LRRC20: variants seen among roughly 807,000 people sequenced by gnomAD.
LRRC20 encodes the protein leucine-rich repeat-containing protein 20.
In LRRC20, 11 loss-of-function variants were observed where a neutral mutation model predicts 14.4. The observed-to-expected ratio is 0.77, with a 90% CI of 0.48 to 1.27. The LOEUF is 1.27. Among genes scored for constraint, LRRC20 ranks in the 50% most tolerant of loss-of-function variants. The pLI is 0.00. For synonymous variants in LRRC20, 121 were observed against 107.3 expected (o/e 1.13, Z -0.79); for missense variants, 219 against 251.2 (o/e 0.87, Z 0.87).
At chr10:70,347,360 A>G (rs749779995) in intron 2 of LRRC20, among the ~76,000 whole-genome samples, 35 of 152,120 alleles carry the variant, frequency 2.3e-4, no homozygotes, top group Non-Finnish European at 4.9e-4. Flanking sequence ...ACGGAGGAAG[A>G]AGCCATAAAG....
chr10:70,364,648 C>T (rs1346136513), intron 2 of LRRC20, among the ~76,000 whole-genome samples: 1 of 152,188 alleles, frequency 6.6e-6, no homozygotes, highest in Non-Finnish European at 1.5e-5. Flanking sequence ...TCCCTGGGCT[C>T]GGCTTCCGGT....
intron 4 of LRRC20, among the ~76,000 whole-genome samples, chr10:70,305,674 T>C (rs1189444980): frequency 6.6e-6 from 1 of 152,162 alleles, no homozygotes; most frequent in Non-Finnish European, 1.5e-5. Flanking sequence ...ATTTCAAATG[T>C]ATAAAATGTT....
In LRRC20 at chr10:70,301,438, G is replaced by A. The variant is rs562822126; in HGVS notation, c.471C>T (p.Asn157=). Residue 157 remains asparagine (N), a synonymous_variant, in exon 5 of 5, where the codon AAC becomes AAT. Transcript: ENST00000446961. ...GCGGGGCGATCACGCGCACCTCGGCGTTGAGTGGGTTGAAGCGGAGGTTGA... is the reference window on the plus strand; with the variant it reads ...GCGGGGCGATCACGCGCACCTCGGCATTGAGTGGGTTGAAGCGGAGGTTGA... ...RSINLRFNPL[N]AEVRVIAPPL... The A allele has an allele frequency of 3.3e-5, 53 of 1,614,014 alleles. No individual in the cohort carries two copies. Among genetic ancestry groups the A allele is most frequent in the Middle Eastern group, 3.3e-4 (2 of 6,062 alleles).
intron 2 of LRRC20, among the ~76,000 whole-genome samples, chr10:70,351,784 G>C (rs999930664): frequency 6.6e-6 from 1 of 152,198 alleles, no homozygotes; most frequent in African/African-American, 2.4e-5. Flanking sequence ...CGTCCAGTGT[G>C]AGTTGTGGAG....
At chr10:70,334,111 C>T (rs576984768) in intron 3 of LRRC20, among the ~76,000 whole-genome samples, 2 of 151,528 alleles carry the variant, frequency 1.3e-5, no homozygotes, top group Admixed American at 1.3e-4. Flanking sequence ...GATAGTGCCA[C>T]TGCACTCCAC....
chr10:70,305,743 AT>A (rs34994675), intron 4 of LRRC20, among the ~76,000 whole-genome samples: 34 of 144,742 alleles, frequency 2.3e-4, no homozygotes, highest in East Asian at 4.1e-4. Flanking sequence ...AGATTTGCCA[AT>A]TTTTTTTTTT....
intron 2 of LRRC20, among the ~76,000 whole-genome samples, chr10:70,342,437 G>A (rs1842950811): frequency 6.6e-6 from 1 of 152,084 alleles, no homozygotes; most frequent in Non-Finnish European, 1.5e-5. Flanking sequence ...CAATAAAGCT[G>A]ATATATATAC....
chr10:70,308,178 A>G (rs560278674), intron 4 of LRRC20, among the ~76,000 whole-genome samples: 2 of 152,304 alleles, frequency 1.3e-5, no homozygotes, highest in South Asian at 2.1e-4. Flanking sequence ...CACCAACAAG[A>G]AAGTTCCTGG....
At chr10:70,320,946 C>T (rs931591363) in intron 4 of LRRC20, among the ~76,000 whole-genome samples, 8 of 152,170 alleles carry the variant, frequency 5.3e-5, no homozygotes, top group African/African-American at 1.9e-4. Flanking sequence ...AAGAGGATGA[C>T]TGAGTTGATC....
chr10:70,376,752 C>G, intron 1 of LRRC20, 156 bp from the exon 2 acceptor site: 1 of 570,250 alleles, frequency 1.8e-6, no homozygotes, highest in Non-Finnish European at 3.1e-6. Flanking sequence ...GCCGAGAGCT[C>G]AGGCCACATC....
intron 2 of LRRC20, among the ~76,000 whole-genome samples, chr10:70,362,810 AG>A (rs1843794502): frequency 6.6e-6 from 1 of 152,202 alleles, no homozygotes; most frequent in Non-Finnish European, 1.5e-5. Context: ...GAGTGAGGGC[AG>A]GGGGTGCTAC....
rs1269311501 is a variant in LRRC20 at position 70,302,855 on chromosome 10, C to T, written c.401-1347G>A. Among the ~76,000 whole-genome samples, 4 of 151,960 alleles carry T rather than the reference C, an allele frequency of 2.6e-5. 1 individual carries two copies. Among genetic ancestry groups the T allele is most frequent in the African/African-American group, 9.7e-5 (4 of 41,450 alleles). On this transcript the variant is annotated intron_variant, in intron 4 of 4. Coordinates refer to ENST00000446961, the MANE Select transcript of LRRC20 (RefSeq NM_001278212.2). ...CCTCCCGTGTAGCTGGGACTACAGG[C>T]GCGCGCCACCATGCCCAGCTAATTT...
intron 3 of LRRC20, among the ~76,000 whole-genome samples, chr10:70,329,250 T>C (rs977137414): frequency 3.3e-5 from 5 of 152,148 alleles, no homozygotes; most frequent in African/African-American, 1.2e-4. Flanking sequence ...TTATTTCAGA[T>C]CGCTAGGAAG....
chr10:70,367,113 C>T (rs1844031409), intron 2 of LRRC20, among the ~76,000 whole-genome samples: 1 of 151,840 alleles, frequency 6.6e-6, no homozygotes, highest in African/African-American at 2.4e-5. Context: ...ATGCTTGAGC[C>T]CAGGAGTTTG....
At chr10:70,371,184 T>C (rs1303607454) in intron 2 of LRRC20, among the ~76,000 whole-genome samples, 2 of 152,126 alleles carry the variant, frequency 1.3e-5, no homozygotes, top group African/African-American at 4.8e-5. Flanking sequence ...TCGCCCAGGC[T>C]GGAGTGCAGT....
At chr10:70,360,193 C>T (rs182348239) in intron 2 of LRRC20, among the ~76,000 whole-genome samples, 2 of 152,298 alleles carry the variant, frequency 1.3e-5, no homozygotes, top group South Asian at 2.1e-4. Flanking sequence ...GGATTACAGG[C>T]GTAAGCCACT....
chr10:70,324,220 C>T (rs1229302039), intron 3 of LRRC20, among the ~76,000 whole-genome samples, 190 bp from the exon 4 acceptor site: 2 of 152,218 alleles, frequency 1.3e-5, no homozygotes, highest in Admixed American at 6.5e-5. Flanking sequence ...ACCCTCCTAC[C>T]GCTGCCCGGG....
chr10:70,354,808 G>A (rs1311913681), intron 2 of LRRC20, among the ~76,000 whole-genome samples: 3 of 152,094 alleles, frequency 2.0e-5, no homozygotes, highest in Admixed American at 1.3e-4. Context: ...CTCTTCTCTC[G>A]CTTTGTTCAT....
intron 4 of LRRC20, among the ~76,000 whole-genome samples, chr10:70,306,659 TTGTG>T (rs755927527): frequency 1.3e-5 from 2 of 152,302 alleles, no homozygotes; most frequent in East Asian, 1.9e-4. Flanking sequence ...ATAATTACTA[TTGTG>T]TGTTTTTTTT....
Sources: allele counts gnomAD v4.1 joint callset (sites outside exome capture counted in the v4.1 genomes callset), GRCh38; gene constraint gnomAD v4.1.1; transcripts MANE v1.5; gene names NCBI Gene and HGNC (gene_info 2026-07-23, HGNC 2026-07-21).